Variants in MERTK observed in about 807,000 individuals in gnomAD.
MERTK encodes tyrosine-protein kinase Mer.
Under a neutral mutation model 99.3 loss-of-function variants are expected in MERTK, and 69 were observed. That is an observed-to-expected ratio of 0.70 (90% CI 0.57 to 0.85). The LOEUF (loss-of-function observed/expected upper bound fraction) is 0.85, where lower values mean the gene tolerates loss of function less well. MERTK is among the 40% of genes least tolerant of loss of function. The pLI is 0.00. For synonymous variants in MERTK, 426 were observed against 467.6 expected (o/e 0.91, Z 1.15); for missense variants, 1,125 against 1,249.4 (o/e 0.90, Z 1.50).
intron 3 of MERTK, among the ~76,000 whole-genome samples, chr2:111,946,196 T>C (rs1467329495): frequency 6.6e-6 from 1 of 152,118 alleles, no homozygotes; most frequent in African/African-American, 2.4e-5. Context: ...TTTCTCAGGG[T>C]TACGTCAACA....
intron 1 of MERTK, among the ~76,000 whole-genome samples, chr2:111,905,433 C>CT (rs61232340): frequency 0.64 from 54,084 of 85,022 alleles, 20,445 homozygotes; most frequent in East Asian, 0.86. Flanking sequence ...CTACACTGTT[C>CT]TTTTTTTTTT....
chr2:111,944,519 T>C (rs1684924660), intron 2 of MERTK, among the ~76,000 whole-genome samples: 2 of 152,310 alleles, frequency 1.3e-5, no homozygotes, highest in Admixed American at 6.5e-5. Context: ...ATAATTCCTC[T>C]GTTTTAAGGA....
At chr2:111,966,648 A>C (rs1048155707) in intron 5 of MERTK, among the ~76,000 whole-genome samples, 8 of 152,180 alleles carry the variant, frequency 5.3e-5, no homozygotes, top group African/African-American at 1.4e-4. Context: ...TTTATTATAA[A>C]ATTTATGTCA....
intron 18 of MERTK, among the ~76,000 whole-genome samples, chr2:112,023,539 C>T (rs1031860301): frequency 4.6e-5 from 7 of 152,138 alleles, no homozygotes; most frequent in East Asian, 1.9e-4. Context: ...ACAGGGCCCC[C>T]GTCTTCAAGG....
chr2:111,945,136 T>A, intron 3 of MERTK, 76 bp downstream of exon 3: 1 of 1,175,886 alleles, frequency 8.5e-7, no homozygotes, highest in Non-Finnish European at 1.3e-6. Context: ...TTGTGTATAA[T>A]ACTCTAGAGT....
At chr2:111,930,984 A>G (rs1684659861) in intron 2 of MERTK, among the ~76,000 whole-genome samples, 1 of 152,204 alleles carries the variant, frequency 6.6e-6, no homozygotes, top group East Asian at 1.9e-4. Flanking sequence ...ACAGGGTGGA[A>G]GCAAGAGCCT....
intron 1 of MERTK, among the ~76,000 whole-genome samples, chr2:111,905,821 CTTCAAT>C (rs1684127529): frequency 6.6e-6 from 1 of 152,078 alleles, no homozygotes; most frequent in Non-Finnish European, 1.5e-5. Context: ...TTGGCTAGTT[CTTCAAT>C]TATCAGTGCT....
At chr2:112,001,505 A>G (rs1054203353) in intron 11 of MERTK, among the ~76,000 whole-genome samples, 2 of 152,202 alleles carry the variant, frequency 1.3e-5, no homozygotes, top group African/African-American at 4.8e-5. Context: ...CCTGGGGTTA[A>G]AAGGACTCAC....
At chr2:112,003,333 A>G (rs1274364902) in intron 12 of MERTK, 146 bp downstream of exon 12, 4 of 550,068 alleles carry the variant, frequency 7.3e-6, no homozygotes, top group South Asian at 2.2e-5. Flanking sequence ...ATTTAAAATG[A>G]TAGACTATTG....
intron 2 of MERTK, among the ~76,000 whole-genome samples, chr2:111,930,648 A>G (rs1299465235): frequency 6.6e-6 from 1 of 152,104 alleles, no homozygotes; most frequent in Non-Finnish European, 1.5e-5. Context: ...GCCTCAGACC[A>G]TCATCTCAGT....
At chr2:111,928,048 C>G (rs2104685208) in intron 1 of MERTK, among the ~76,000 whole-genome samples, 1 of 152,252 alleles carries the variant, frequency 6.6e-6, no homozygotes, top group East Asian at 1.9e-4. Context: ...GCTCAGAAAC[C>G]ATCTAAAATA....
At chr2:111,907,088 G>A (rs1056890776) in intron 1 of MERTK, among the ~76,000 whole-genome samples, 1 of 152,160 alleles carries the variant, frequency 6.6e-6, no homozygotes, top group Non-Finnish European at 1.5e-5. Context: ...GCCCAGAAAC[G>A]GAGATGGAGG....
At chr2:111,997,227 G>A in intron 9 of MERTK, 96 bp from the exon 10 acceptor site, 1 of 1,364,916 alleles carries the variant, frequency 7.3e-7, no homozygotes, top group Non-Finnish European at 1.0e-6. Context: ...AGATTTAACT[G>A]AGTTCTGAAA....
chr2:111,964,226 G>C (rs1469903614), intron 4 of MERTK, among the ~76,000 whole-genome samples: 2 of 151,972 alleles, frequency 1.3e-5, no homozygotes, highest in Non-Finnish European at 2.9e-5. Context: ...GTTGATATCA[G>C]TAGAGACTCC....
chr2:111,904,836 G>A (rs925004130), intron 1 of MERTK, among the ~76,000 whole-genome samples: 7 of 152,186 alleles, frequency 4.6e-5, no homozygotes, highest in Admixed American at 4.6e-4. Flanking sequence ...AAGGGCGCCA[G>A]GTGCACTCCT....
At chr2:111,901,047 A>G (rs1263377511) in intron 1 of MERTK, among the ~76,000 whole-genome samples, 2 of 152,178 alleles carry the variant, frequency 1.3e-5, no homozygotes, top group African/African-American at 2.4e-5. Flanking sequence ...CAACACACAT[A>G]CACACTACAC....
chr2:112,003,563 G>A (rs1309761847), intron 12 of MERTK: 3 of 355,428 alleles, frequency 8.4e-6, no homozygotes, highest in South Asian at 3.0e-5. Context: ...AACTTGTTAA[G>A]TTGTTCTTAG....
At chr2:111,981,181 A>G (rs1676364833) in intron 7 of MERTK, among the ~76,000 whole-genome samples, 1 of 152,220 alleles carries the variant, frequency 6.6e-6, no homozygotes, top group African/African-American at 2.4e-5. Flanking sequence ...TATCTGAAAT[A>G]TAGAATTTAA....
intron 8 of MERTK, among the ~76,000 whole-genome samples, chr2:111,986,144 C>G (rs562634622): frequency 6.6e-6 from 1 of 152,170 alleles, no homozygotes; most frequent in Non-Finnish European, 1.5e-5. Context: ...CTTAGAAGTC[C>G]GTGTTGTTCT....
Sources: gnomAD v4.1 joint callset for allele counts (sites outside exome capture counted in the v4.1 genomes callset) on GRCh38, gnomAD v4.1.1 for gene constraint, MANE v1.5 for transcripts, NCBI Gene and HGNC (gene_info 2026-07-23, HGNC 2026-07-21) for gene names.